JAK1: variants seen among roughly 807,000 people sequenced by gnomAD.
The protein encoded by JAK1 is Janus kinase 1, also known as tyrosine-protein kinase JAK1.
In JAK1, 16 loss-of-function variants were observed where a neutral mutation model predicts 136.6. The observed-to-expected ratio is 0.12, with a 90% CI of 0.08 to 0.18. The LOEUF (loss-of-function observed/expected upper bound fraction) is 0.18. Ranked by LOEUF, JAK1 falls within the 10% of genes least tolerant of loss-of-function variation. The probability of loss-of-function intolerance (pLI) is 1.00; values close to 1 mark genes in which losing one functional copy is unlikely to be tolerated. For missense variants in JAK1, 859 were observed against 1,450.1 expected (o/e 0.59, Z 6.62); for synonymous variants, 492 against 519.5 (o/e 0.95, Z 0.72).
At chr1:64,928,464 G>A (rs1161578780) in intron 1 of JAK1, among the ~76,000 whole-genome samples, 1 of 152,180 alleles carries the variant, frequency 6.6e-6, no homozygotes, top group African/African-American at 2.4e-5. Context: ...ATACAAGAGT[G>A]CATTCATGTG....
intron 2 of JAK1, among the ~76,000 whole-genome samples, chr1:65,019,661 A>G (rs1646920129): frequency 6.6e-6 from 1 of 152,164 alleles, no homozygotes; most frequent in Admixed American, 6.5e-5. Context: ...TCACTCCTGT[A>G]ATCCTAACAC....
Position 64,984,912 on chromosome 1 carries a change from T to G in JAK1, c.-78+59568A>C. The G allele has an allele frequency of 8.5e-7, 1 of 1,179,244 alleles. No homozygotes were observed. The highest frequency in any genetic ancestry group is 1.2e-5 in the South Asian group (1 of 82,264). 73.0% of individuals were successfully genotyped at this position (1,179,244 alleles called of 1,614,324 possible). A position where few individuals can be genotyped will look rare whatever the true frequency, so the allele number is the denominator to read the frequency against. On this transcript the variant is annotated intron_variant, in intron 2 of 25. Coordinates refer to the JAK1 transcript ENST00000671954. The surrounding 1 kb of genome is among the most constrained non-coding windows in gnomAD (Gnocchi z 4.1). ...TGCCATCACAGCTGGGCCAGGGCCC[T>G]GGCTGAAGAGTTCAGCCACAATAAA...
Position 64,984,232 on chromosome 1 carries a change from C to T in JAK1, c.-78+60248G>A, listed in dbSNP as rs780673441. On this transcript the variant is annotated intron_variant, in intron 2 of 25. Transcript: ENST00000671954. The surrounding 1 kb of genome is among the most constrained non-coding windows in gnomAD (Gnocchi z 4.1). The stretch of plus-strand genomic sequence containing the variant: ...TACATAAACCCTGTCTGCCTTCCCA[C>T]AGTGTGTGTGTATCTGCTTCCTGGT... Among the ~76,000 whole-genome samples, 1 of 152,162 alleles carries T rather than the reference C, an allele frequency of 6.6e-6. No homozygotes were observed. The highest frequency in any genetic ancestry group is 1.5e-5 in the Non-Finnish European group (1 of 68,042).
At chr1:64,836,966 ACCT>A (rs1654519953) in intron 22 of JAK1, among the ~76,000 whole-genome samples, 1 of 152,034 alleles carries the variant, frequency 6.6e-6, no homozygotes, top group Non-Finnish European at 1.5e-5. Context: ...CCTCCTGCAA[ACCT>A]CCTATTCCAT....
intron 1 of JAK1, among the ~76,000 whole-genome samples, chr1:64,913,174 C>T (rs1367155335): frequency 6.6e-6 from 1 of 152,116 alleles, no homozygotes; most frequent in Non-Finnish European, 1.5e-5. Context: ...GGCGTGCACA[C>T]CATCACGCCT....
At chr1:64,864,400 C>G (rs146872394) in intron 8 of JAK1, among the ~76,000 whole-genome samples, 5 of 152,388 alleles carry the variant, frequency 3.3e-5, no homozygotes, top group Admixed American at 2.6e-4. Flanking sequence ...CGCCTGAGGG[C>G]AACGTGGGGC....
At chr1:64,996,815 G>C (rs895905288) in intron 2 of JAK1, among the ~76,000 whole-genome samples, 1 of 152,174 alleles carries the variant, frequency 6.6e-6, no homozygotes, top group Admixed American at 6.5e-5. Context: ...GCTGAAGCTC[G>C]CCTAAGACAG....
At chr1:64,850,680 G>C in intron 12 of JAK1, 124 bp downstream of exon 12, 2 of 679,990 alleles carry the variant, frequency 2.9e-6, no homozygotes, top group East Asian at 5.4e-5. Flanking sequence ...TCAAAGGAAA[G>C]TCTCCCTGTT....
chr1:64,849,999 A>AC (rs1655485200), intron 12 of JAK1, among the ~76,000 whole-genome samples: 1 of 151,676 alleles, frequency 6.6e-6, no homozygotes, highest in Non-Finnish European at 1.5e-5. Context: ...AAAGTAACAA[A>AC]CCCCCGAGTG....
At position 64,982,043 on chromosome 1, in the gene JAK1, T is replaced by A. The variant is rs574357909; in HGVS notation, c.-78+62437A>T. 5.3e-5 allele frequency among the ~76,000 whole-genome samples: 8 copies of A among 152,218 alleles called. No individual in the cohort carries two copies. The South Asian group carries it at 1.7e-3, about 32-fold the overall frequency. ...GAGCTTCCAGTTACTTATCTGTACA[T>A]ATACAATTCTACAGAGTTGATGTCA... On this transcript the variant is annotated intron_variant, in intron 2 of 25. Coordinates refer to the JAK1 transcript ENST00000671954.
intron 3 of JAK1, among the ~76,000 whole-genome samples, chr1:64,882,380 G>A (rs939888370): frequency 1.3e-5 from 2 of 152,136 alleles, no homozygotes; most frequent in Non-Finnish European, 2.9e-5. Context: ...CATCATAAAT[G>A]GCTACTTCAT....
intron 2 of JAK1, among the ~76,000 whole-genome samples, chr1:64,997,406 A>C (rs1224924378): frequency 6.6e-6 from 1 of 152,204 alleles, no homozygotes; most frequent in East Asian, 1.9e-4. Context: ...TATTGTTCTA[A>C]GCCTTAAGGA....
At chr1:64,886,606 A>T (rs1644856056) in intron 1 of JAK1, among the ~76,000 whole-genome samples, 1 of 152,118 alleles carries the variant, frequency 6.6e-6, no homozygotes, top group African/African-American at 2.4e-5. Flanking sequence ...CCCGATATGG[A>T]GTGTCCTGTC....
At chr1:65,028,203 T>C (rs539415820) in intron 2 of JAK1, among the ~76,000 whole-genome samples, 6 of 152,188 alleles carry the variant, frequency 3.9e-5, no homozygotes, top group African/African-American at 1.2e-4. Flanking sequence ...TCATGTGTTG[T>C]CTCATCAGTG....
At chr1:65,023,716 T>G (rs1646955059) in intron 2 of JAK1, among the ~76,000 whole-genome samples, 1 of 151,886 alleles carries the variant, frequency 6.6e-6, no homozygotes, top group African/African-American at 2.4e-5. Context: ...ATCTCCTGAC[T>G]TCATGATCCA....
chr1:64,985,995 G>A, intron 2 of JAK1: 1 of 1,324,402 alleles, frequency 7.6e-7, no homozygotes, highest in Non-Finnish European at 1.1e-6. Context: ...CATCTCAGGA[G>A]CATTGATGAC....
At chr1:64,954,309 T>A (rs1417092208) in intron 1 of JAK1, among the ~76,000 whole-genome samples, 1 of 152,140 alleles carries the variant, frequency 6.6e-6, no homozygotes, top group Non-Finnish European at 1.5e-5. Flanking sequence ...ATTACAAAGA[T>A]TAAATTAAAT....
At chr1:64,994,540 A>C (rs933320373) in intron 2 of JAK1, among the ~76,000 whole-genome samples, 4 of 152,174 alleles carry the variant, frequency 2.6e-5, no homozygotes, top group African/African-American at 9.7e-5. Context: ...CATGCATAAG[A>C]GATGAAAAGC....
rs202129235 is a variant in JAK1, at chr1:64,847,535, G to A, written c.1896C>T (p.Ser632=). 2.5e-5 allele frequency: 40 copies of A among 1,613,872 alleles called. No homozygotes were observed. Among genetic ancestry groups the A allele is most frequent in the Non-Finnish European group, 3.3e-5 (39 of 1,179,982 alleles). The change falls in exon 13 of 25, where the codon TCC becomes TCT. Residue 632 remains serine (S), a synonymous_variant. Transcript: ENST00000342505. ...KVLDPSHRDI[S]LAFFEAASMM... ...GAGTTCAGAGGAAGACACTTGCCAG[G>A]GAAATATCCCTGTGGCTGGGGTCTA... is the stretch of plus-strand genomic sequence containing the variant.
Sources: allele counts gnomAD v4.1 joint callset (sites outside exome capture counted in the v4.1 genomes callset), GRCh38; gene constraint gnomAD v4.1.1; non-coding constraint Gnocchi (gnomAD v3.1); transcripts MANE v1.5; gene names NCBI Gene and HGNC (gene_info 2026-07-23, HGNC 2026-07-21).